Variants in ADAP1 observed in about 807,000 individuals in gnomAD.
ADAP1 encodes the protein ArfGAP with dual PH domains 1.
ADAP1 carries 31 observed loss-of-function variants against 54.9 expected under a neutral mutation model. The ratio of observed to expected loss-of-function variants is 0.56; its 90% CI spans 0.42 to 0.76. The LOEUF (loss-of-function observed/expected upper bound fraction) is 0.76, where lower values mean the gene tolerates loss of function less well. Among genes scored for constraint, ADAP1 ranks in the 30% least tolerant of loss-of-function variants. The probability of loss-of-function intolerance (pLI) is 0.00; values close to 1 mark genes in which losing one functional copy is unlikely to be tolerated. For synonymous variants in ADAP1, 313 were observed against 202.6 expected (o/e 1.55, Z -4.63); for missense variants, 535 against 512.4 (o/e 1.04, Z -0.42).
At chr7:928,845 C>T (rs764352138) in intron 2 of ADAP1, among the ~76,000 whole-genome samples, 5 of 152,224 alleles carry the variant, frequency 3.3e-5, no homozygotes, top group Non-Finnish European at 5.9e-5. Context: ...TTCCTCTGCA[C>T]CGTAAGAGAC....
At chr7:947,534 G>A (rs987026720) in intron 1 of ADAP1, among the ~76,000 whole-genome samples, 6 of 151,684 alleles carry the variant, frequency 4.0e-5, no homozygotes, top group African/African-American at 9.7e-5. Flanking sequence ...CTGCTCCCAC[G>A]TCCCCATCTC....
chr7:919,964 T>G lies in ADAP1; in HGVS notation c.388+4A>C. The stretch of plus-strand genomic sequence containing the variant: ...GAGGCCCCACCCCACCCGGGTGGCC[T>G]CACCTGCCGAGTAGGGCTCCTGCTT... On this transcript the variant is annotated splice_donor_region_variant and intron_variant, in intron 4 of 10. Transcript: ENST00000265846. 1 of 1,602,092 alleles carries G rather than the reference T, an allele frequency of 6.2e-7. No individual in the cohort carries two copies. The highest frequency in any genetic ancestry group is 1.1e-5 in the South Asian group (1 of 90,776).
At chr7:947,502 G>T (rs557899429) in intron 1 of ADAP1, among the ~76,000 whole-genome samples, 2 of 151,980 alleles carry the variant, frequency 1.3e-5, no homozygotes, top group African/African-American at 2.4e-5. Flanking sequence ...CACATCGCAG[G>T]TCCCTCCCGT....
chr7:917,916 G>A (rs1002962246), intron 4 of ADAP1, among the ~76,000 whole-genome samples: 2 of 152,104 alleles, frequency 1.3e-5, no homozygotes, highest in Admixed American at 1.3e-4. Flanking sequence ...AACCACAGAT[G>A]TGCGCCAACC....
At position 920,762 on chromosome 7, in the gene ADAP1, C is replaced by G; in HGVS notation, c.306-712G>C. 6.5e-7 allele frequency: 1 copy of G among 1,545,126 alleles called. No homozygotes were observed. The highest frequency in any genetic ancestry group is 1.2e-5 in the South Asian group (1 of 83,878). Reference sequence around the variant, plus strand: ...CCTGCCCAGAGCCACCCACCACGGCCTCCCCATCCACCGTGACTCACTCGA... The same window carrying G: ...CCTGCCCAGAGCCACCCACCACGGCGTCCCCATCCACCGTGACTCACTCGA... On this transcript the variant is annotated intron_variant, in intron 3 of 10. Transcript: ENST00000265846. This position sits in a 1 kb window ranked among gnomAD's most constrained non-coding sequence, Gnocchi z 4.5.
At chr7:906,768 T>G (rs546171064) in intron 4 of ADAP1, among the ~76,000 whole-genome samples, 12 of 24,730 alleles carry the variant, frequency 4.9e-4, no homozygotes, top group Admixed American at 3.1e-3. Flanking sequence ...ACAGGGGACA[T>G]GGGGGACAGG....
intron 5 of ADAP1, 100 bp downstream of exon 5, chr7:904,948 GGGGCAGCAGGGA>G: frequency 1.1e-6 from 1 of 907,454 alleles, no homozygotes; most frequent in Non-Finnish European, 1.7e-6. Flanking sequence ...CCCATCGGGG[GGGGCAGCAGGGA>G]GGGCAGCTGC....
chr7:923,784 C>T (rs1846272293), intron 3 of ADAP1, among the ~76,000 whole-genome samples: 1 of 152,180 alleles, frequency 6.6e-6, no homozygotes. Flanking sequence ...GAAGACGCCA[C>T]CCGGACATCT....
intron 4 of ADAP1, among the ~76,000 whole-genome samples, chr7:916,195 G>C (rs1845927566): frequency 6.6e-6 from 1 of 152,198 alleles, no homozygotes; most frequent in Non-Finnish European, 1.5e-5. Flanking sequence ...CGGGAGAGCA[G>C]GGATGTAAAA....
intron 1 of ADAP1, among the ~76,000 whole-genome samples, chr7:950,519 G>T (rs1847241790): frequency 6.6e-6 from 1 of 150,788 alleles, no homozygotes; most frequent in Non-Finnish European, 1.5e-5. Flanking sequence ...AATACCGCAT[G>T]GTTTCACTTC....
intron 5 of ADAP1, 84 bp from the exon 6 acceptor site, chr7:904,356 G>C: frequency 1.3e-6 from 2 of 1,490,046 alleles, no homozygotes; most frequent in Non-Finnish European, 1.8e-6. Context: ...TGTGGGTGCT[G>C]GCGGCGCACC....
intron 8 of ADAP1, 126 bp from the exon 9 acceptor site, chr7:899,616 C>T (rs567460062): frequency 2.7e-6 from 3 of 1,122,272 alleles, no homozygotes; most frequent in Non-Finnish European, 3.8e-6. Flanking sequence ...TTCACTCACG[C>T]CTGCCGCTGG....
intron 3 of ADAP1, among the ~76,000 whole-genome samples, chr7:925,604 C>T (rs373317227): frequency 1.3e-5 from 2 of 152,372 alleles, no homozygotes; most frequent in East Asian, 3.9e-4. Context: ...TGGGGAAGAC[C>T]CCCTGGTCAC....
rs541132116 is a variant in ADAP1, at chr7:931,418, A to G, written c.213+3957T>C. 1.2e-4 allele frequency among the ~76,000 whole-genome samples: 19 copies of G among 152,344 alleles called. No homozygotes were observed. In the East Asian group the frequency reaches 1.7e-3, roughly 14 times the overall value. Reference sequence around the variant, plus strand: ...GCCTTGAAAGGAACGAAGCTGTCACACAGGCTGCAGCGTGATGGGCCTCGG... The same window carrying G: ...GCCTTGAAAGGAACGAAGCTGTCACGCAGGCTGCAGCGTGATGGGCCTCGG... On this transcript the variant is annotated intron_variant, in intron 2 of 10. Coordinates refer to ENST00000265846, the MANE Select transcript of ADAP1 (RefSeq NM_006869.4).
At chr7:943,218 AAG>A (rs1460320165) in intron 1 of ADAP1, among the ~76,000 whole-genome samples, 249 of 18,508 alleles carry the variant, frequency 0.013, 2 homozygotes, top group Middle Eastern at 0.05. Context: ...GAGGAGGAGG[AAG>A]AGAGAGGAGG....
At chr7:911,976 C>T (rs959682843) in intron 4 of ADAP1, among the ~76,000 whole-genome samples, 4 of 152,186 alleles carry the variant, frequency 2.6e-5, no homozygotes, top group Non-Finnish European at 5.9e-5. Context: ...TAAAGCCTCG[C>T]GCTGCCTGCG....
At chr7:948,387 C>T (rs551640490) in intron 1 of ADAP1, among the ~76,000 whole-genome samples, 29 of 152,248 alleles carry the variant, frequency 1.9e-4, no homozygotes, top group African/African-American at 7.0e-4. Flanking sequence ...GCCCGAGTTT[C>T]GGCTTCCCTC....
At chr7:924,713 C>A (rs1466327586) in intron 3 of ADAP1, among the ~76,000 whole-genome samples, 2 of 151,146 alleles carry the variant, frequency 1.3e-5, no homozygotes, top group Non-Finnish European at 3.0e-5. Context: ...CAGCAGCAGC[C>A]CCTGAGTCCA....
At chr7:949,304 C>A (rs574966216) in intron 1 of ADAP1, among the ~76,000 whole-genome samples, 1 of 152,272 alleles carries the variant, frequency 6.6e-6, no homozygotes, top group Non-Finnish European at 1.5e-5. Flanking sequence ...CCGCCTCAGC[C>A]ACCTTGGACC....
Sources: allele counts gnomAD v4.1 joint callset (sites outside exome capture counted in the v4.1 genomes callset), GRCh38; gene constraint gnomAD v4.1.1; non-coding constraint Gnocchi (gnomAD v3.1); transcripts MANE v1.5; gene names NCBI Gene and HGNC (gene_info 2026-07-23, HGNC 2026-07-21).